The following THADA variants were observed in gnomAD, a reference collection of about 807,000 sequenced individuals.
THADA encodes tRNA (32-2'-O)-methyltransferase regulator THADA.
In THADA, 213 loss-of-function variants were observed where a neutral mutation model predicts 219.8. That is an observed-to-expected ratio of 0.97 (90% CI 0.87 to 1.09). The LOEUF (loss-of-function observed/expected upper bound fraction) is 1.09. THADA is among the 50% of genes least tolerant of loss of function. THADA has a pLI of 0.00. For missense variants in THADA, 2,956 were observed against 2,311.3 expected, an observed-to-expected ratio of 1.28 and a Z score of -5.72; for synonymous variants, 1,018 against 828.9, an observed-to-expected ratio of 1.23 and a Z score of -3.92.
At chr2:43,272,857 C>T (rs923487089) in intron 36 of THADA, among the ~76,000 whole-genome samples, 11 of 151,762 alleles carry the variant, frequency 7.2e-5, no homozygotes, top group African/African-American at 2.7e-4. Context: ...AACTCCTGGG[C>T]TCAAGTGATC....
chr2:43,591,550 C>G lies in THADA; in HGVS notation c.171+402G>C, dbSNP rs530363430. Among the ~76,000 whole-genome samples, 16 of 151,762 alleles carry G rather than the reference C, an allele frequency of 1.1e-4. No homozygotes were observed. In the East Asian group the frequency reaches 2.5e-3, roughly 24 times the overall value. On this transcript the variant is annotated intron_variant, in intron 3 of 37. Transcript: ENST00000405975. Reference sequence around the variant, plus strand: ...TATTAAAAAACCAGTAATACATTTACTTGCTTTCCAAAAAAAAAAACTATG... The same window carrying G: ...TATTAAAAAACCAGTAATACATTTAGTTGCTTTCCAAAAAAAAAAACTATG...
At chr2:43,356,120 AG>A (rs1668846797) in intron 29 of THADA, among the ~76,000 whole-genome samples, 5 of 152,214 alleles carry the variant, frequency 3.3e-5, no homozygotes, top group African/African-American at 1.2e-4. Flanking sequence ...TAAACTCATT[AG>A]AAATTCTGCA....
intron 29 of THADA, among the ~76,000 whole-genome samples, chr2:43,350,744 G>C (rs1668161519): frequency 6.6e-6 from 1 of 152,196 alleles, no homozygotes; most frequent in African/African-American, 2.4e-5. Context: ...CCACCAATCT[G>C]CTAGAGGGCC....
rs548444229 is a variant in THADA at position 43,355,556 on chromosome 2, A to C, written c.4228-11319T>G. ...TTTTGTAGACTGACCTTCTGGTGTG[A>C]CAGCCAAGAAATCACTGCCAAGGCC... is the stretch of plus-strand genomic sequence containing the variant. On this transcript the variant is annotated intron_variant, in intron 29 of 37. Transcript: ENST00000405975. Among the ~76,000 whole-genome samples the C allele has an allele frequency of 1.8e-4, 27 of 152,308 alleles. No individual in the cohort carries two copies. In the South Asian group the frequency reaches 5.4e-3, roughly 30 times the overall value.
At chr2:43,515,268 A>G (rs866147667) in intron 22 of THADA, among the ~76,000 whole-genome samples, 46 of 73,542 alleles carry the variant, frequency 6.3e-4, no homozygotes, top group African/African-American at 1.5e-3. Flanking sequence ...TATATAATAT[A>G]TAATATATAA....
intron 20 of THADA, among the ~76,000 whole-genome samples, chr2:43,545,117 A>G (rs1209383071): frequency 6.6e-6 from 1 of 152,184 alleles, no homozygotes; most frequent in Non-Finnish European, 1.5e-5. Context: ...CCTTTTCTGC[A>G]TCTATTGAGA....
chr2:43,540,813 A>G (rs1181777502), intron 21 of THADA, among the ~76,000 whole-genome samples: 1 of 152,226 alleles, frequency 6.6e-6, no homozygotes, highest in Non-Finnish European at 1.5e-5. Flanking sequence ...TCTTTCCAAA[A>G]TTTAAGAGAT....
rs3042329 is a variant in THADA at position 43,561,016 on chromosome 2, CAA to C, written c.2312-633_2312-632del. On this transcript the variant is annotated intron_variant, in intron 15 of 37. Coordinates refer to ENST00000405975, the MANE Select transcript of THADA (RefSeq NM_022065.5). ...TGCGCAACAGAGTGAGACTTGGTCTCAAAAAAAAAAAAAAAAAAAAAAGCAAA... is the reference window on the plus strand; with the variant it reads ...TGCGCAACAGAGTGAGACTTGGTCTCAAAAAAAAAAAAAAAAAAAAGCAAA... 9.3e-4 allele frequency among the ~76,000 whole-genome samples: 86 copies of C among 92,356 alleles called. 1 individual carries two copies. Among genetic ancestry groups the C allele is most frequent in the African/African-American group, 3.1e-3 (84 of 26,858 alleles). 60.6% of individuals were successfully genotyped at this position (92,356 alleles called of 152,430 possible).
intron 30 of THADA, 124 bp from the exon 31 acceptor site, chr2:43,320,664 A>G: frequency 1.6e-6 from 1 of 614,600 alleles, no homozygotes; most frequent in South Asian, 2.5e-5. Flanking sequence ...GGCAAATATT[A>G]AGAAATGATG....
chr2:43,340,697 G>C (rs1666969278), intron 30 of THADA, among the ~76,000 whole-genome samples: 1 of 152,064 alleles, frequency 6.6e-6, no homozygotes, highest in Non-Finnish European at 1.5e-5. Flanking sequence ...AGACTCAAAG[G>C]AACATTTATT....
chr2:43,250,701 AAAAATAAAAT>A (rs59292030), intron 36 of THADA, among the ~76,000 whole-genome samples: 5 of 151,976 alleles, frequency 3.3e-5, no homozygotes, highest in South Asian at 4.1e-4. Context: ...GTTTCTCTAT[AAAAATAAAAT>A]AAAATAAAAT....
chr2:43,446,134 C>A (rs10200815), intron 26 of THADA, among the ~76,000 whole-genome samples: 26,793 of 152,122 alleles, frequency 0.18, 3,317 homozygotes, highest in African/African-American at 0.35. Flanking sequence ...ACTAGGAATT[C>A]TTTTTTAGAA....
In THADA at chr2:43,279,857, G is replaced by C; in HGVS notation, c.5204C>G (p.Thr1735Ser). The change falls in exon 36 of 38, where the codon ACC (threonine) becomes AGC (serine). Residue 1735 changes from threonine (T) to serine (S), a missense_variant. Thr to Ser is a moderately conservative substitution (Grantham distance 58, BLOSUM62 1). Coordinates refer to ENST00000405975, the MANE Select transcript of THADA (RefSeq NM_022065.5). ...DTLALWKCVL[T>S]LLQSEEQAVR... ...AGCTTGCTCCTCACTCTGCAGAAGG[G>C]TAAGGACACACTTCCAGAGAGCAAG... 2 of 1,569,552 alleles carry C rather than the reference G, an allele frequency of 1.3e-6. No individual in the cohort carries two copies. Among genetic ancestry groups the C allele is most frequent in the Non-Finnish European group, 1.7e-6 (2 of 1,158,522 alleles).
rs866670134 is a variant in THADA, at chr2:43,515,270, A to T, written c.3375-6490T>A. On this transcript the variant is annotated intron_variant, in intron 22 of 37. Coordinates refer to ENST00000405975, the MANE Select transcript of THADA (RefSeq NM_022065.5). Reference sequence around the variant, plus strand: ...ATATTATATATAATATATAATATATAATATATAATATATTATATATAATAT... The same window carrying T: ...ATATTATATATAATATATAATATATTATATATAATATATTATATATAATAT... 9.9e-3 allele frequency among the ~76,000 whole-genome samples: 203 copies of T among 20,448 alleles called. 1 individual carries two copies. The highest frequency in any genetic ancestry group is 0.018 in the Admixed American group (22 of 1,240). 13.4% of individuals were successfully genotyped at this position (20,448 alleles called of 152,430 possible). A position where few individuals can be genotyped will look rare whatever the true frequency, so the allele number is the denominator to read the frequency against.
At chr2:43,546,887 G>C (rs1445771541) in intron 20 of THADA, among the ~76,000 whole-genome samples, 1 of 152,096 alleles carries the variant, frequency 6.6e-6, no homozygotes, top group Non-Finnish European at 1.5e-5. Context: ...AGTTAATATT[G>C]TTATGTGTGA....
chr2:43,568,956 A>G (rs1349849828), intron 14 of THADA, among the ~76,000 whole-genome samples: 1 of 152,056 alleles, frequency 6.6e-6, no homozygotes, highest in Non-Finnish European at 1.5e-5. Flanking sequence ...TATTCTAGTC[A>G]CTTTTAAAAT....
chr2:43,384,381 T>A (rs1251464141), intron 29 of THADA, among the ~76,000 whole-genome samples: 3 of 152,174 alleles, frequency 2.0e-5, no homozygotes, highest in East Asian at 3.9e-4. Context: ...ACACTGGTAT[T>A]CATTTTCTTC....
At chr2:43,411,866 T>C (rs1439414287) in intron 28 of THADA, among the ~76,000 whole-genome samples, 4 of 152,310 alleles carry the variant, frequency 2.6e-5, no homozygotes, top group Admixed American at 2.6e-4. Flanking sequence ...AAGAATCACA[T>C]TGCCTTCAAG....
intron 36 of THADA, among the ~76,000 whole-genome samples, chr2:43,274,949 C>A (rs1672546262): frequency 6.6e-6 from 1 of 151,754 alleles, no homozygotes; most frequent in Non-Finnish European, 1.5e-5. Flanking sequence ...CTTCTCTTAT[C>A]CTGTATCAAC....
Sources: allele counts gnomAD v4.1 joint callset (sites outside exome capture counted in the v4.1 genomes callset), GRCh38; gene constraint gnomAD v4.1.1; transcripts MANE v1.5; gene names NCBI Gene and HGNC (gene_info 2026-07-23, HGNC 2026-07-21).